The following MGMT variants were observed in gnomAD, a reference collection of about 807,000 sequenced individuals.
MGMT encodes the protein O-6-methylguanine-DNA methyltransferase.
MGMT carries 14 observed loss-of-function variants against 15.9 expected under a neutral mutation model. The ratio of observed to expected loss-of-function variants is 0.88; its 90% CI spans 0.58 to 1.37. The LOEUF (loss-of-function observed/expected upper bound fraction) is 1.37. MGMT is among the 40% of genes most tolerant of loss of function. MGMT has a pLI of 0.00. For missense variants in MGMT, 282 were observed against 268.1 expected (o/e 1.05, Z -0.36); for synonymous variants, 130 against 118.2 (o/e 1.10, Z -0.65).
At chr10:129,705,274 T>TA (rs1848147484) in intron 2 of MGMT, among the ~76,000 whole-genome samples, 1 of 152,226 alleles carries the variant, frequency 6.6e-6, no homozygotes, top group Non-Finnish European at 1.5e-5. Flanking sequence ...TGTCTCTTGT[T>TA]AAAATGTGAG....
intron 1 of MGMT, among the ~76,000 whole-genome samples, chr10:129,507,335 C>G (rs1290573406): frequency 6.6e-6 from 1 of 152,166 alleles, no homozygotes; most frequent in East Asian, 1.9e-4. Flanking sequence ...GCCTCTGGGG[C>G]AGGGGTGGCC....
chr10:129,527,594 T>C (rs1274209582), intron 1 of MGMT, among the ~76,000 whole-genome samples: 39 of 148,258 alleles, frequency 2.6e-4, no homozygotes, highest in Admixed American at 2.5e-3. Context: ...TTTTCTTTTC[T>C]CCTGTTCACA....
chr10:129,588,155 C>G (rs1375230714), intron 2 of MGMT, among the ~76,000 whole-genome samples: 1 of 152,172 alleles, frequency 6.6e-6, no homozygotes, highest in Non-Finnish European at 1.5e-5. Context: ...AAAACAGGAC[C>G]TCAGTCCTAT....
Position 129,711,361 on chromosome 10 carries a change from C to A in MGMT, c.274+3318C>A, listed in dbSNP as rs1411959368. 3.3e-5 allele frequency among the ~76,000 whole-genome samples: 5 copies of A among 152,174 alleles called. No individual in the cohort carries two copies. In the South Asian group the frequency reaches 1.0e-3, roughly 31 times the overall value. On this transcript the variant is annotated intron_variant, in intron 3 of 4. Coordinates refer to ENST00000651593, the MANE Select transcript of MGMT (RefSeq NM_002412.5). ...GGAATTTCCAAAGACAGGTTAGTAG[C>A]TAGGTAGCTGTTGAAGTATTTCTGC...
chr10:129,508,034 G>A (rs61341334), intron 1 of MGMT, among the ~76,000 whole-genome samples: 10,429 of 152,078 alleles, frequency 0.069, 1,193 homozygotes, highest in African/African-American at 0.24. Context: ...TTTTTGAGGA[G>A]TCTCCCATTT....
intron 3 of MGMT, among the ~76,000 whole-genome samples, chr10:129,719,141 C>T (rs1036726592): frequency 7.0e-6 from 1 of 143,572 alleles, no homozygotes; most frequent in East Asian, 2.1e-4. Context: ...CCGAGGTGCC[C>T]AGAGCTGGTC....
At chr10:129,662,119 G>A (rs181821454) in intron 2 of MGMT, among the ~76,000 whole-genome samples, 2 of 152,248 alleles carry the variant, frequency 1.3e-5, no homozygotes, top group African/African-American at 2.4e-5. Context: ...AAGAATGGGG[G>A]TGGGGACACG....
At position 129,545,461 on chromosome 10, in the gene MGMT, A is replaced by T. The variant is rs184048492; in HGVS notation, c.125+9084A>T. 5.3e-5 allele frequency among the ~76,000 whole-genome samples: 8 copies of T among 152,348 alleles called. No homozygotes were observed. In the East Asian group the frequency reaches 9.6e-4, roughly 18 times the overall value. On this transcript the variant is annotated intron_variant, in intron 2 of 4. Transcript: ENST00000651593. The stretch of plus-strand genomic sequence containing the variant: ...CACTCGCCTACTGTACACATGAGTC[A>T]TTGTAAAGTTACGACATGAGCTCGC...
At chr10:129,573,505 T>A (rs1846443592) in intron 2 of MGMT, among the ~76,000 whole-genome samples, 1 of 152,194 alleles carries the variant, frequency 6.6e-6, no homozygotes, top group African/African-American at 2.4e-5. Flanking sequence ...TTTTTAACCT[T>A]AAGATTTTTT....
rs866239831 is a variant in MGMT at position 129,564,612 on chromosome 10, T to C, written c.125+28235T>C. 8.5e-3 allele frequency among the ~76,000 whole-genome samples: 228 copies of C among 26,860 alleles called. 1 individual carries two copies. Among genetic ancestry groups the C allele is most frequent in the Admixed American group, 0.016 (26 of 1,658 alleles). The allele number at this position is 26,860 out of a possible 152,430, so 17.6% of individuals were successfully genotyped here. A position where few individuals can be genotyped will look rare whatever the true frequency, so the allele number is the denominator to read the frequency against. ...CCCCTCATTTTCCTCCTCCTCCCCC[T>C]CCTCCTCCTCCCCTGCTTCCCCTCC... is the stretch of plus-strand genomic sequence containing the variant. On this transcript the variant is annotated intron_variant, in intron 2 of 4. Transcript: ENST00000651593.
intron 1 of MGMT, among the ~76,000 whole-genome samples, chr10:129,473,300 G>T (rs184608671): frequency 1.4e-4 from 22 of 152,310 alleles, no homozygotes; most frequent in Admixed American, 5.9e-4. Flanking sequence ...TTGTGGAAAT[G>T]GGCCTTATTT....
chr10:129,658,476 T>A (rs1847557606), intron 2 of MGMT, among the ~76,000 whole-genome samples: 1 of 152,234 alleles, frequency 6.6e-6, no homozygotes, highest in Non-Finnish European at 1.5e-5. Context: ...TGATTCTAAT[T>A]CAGTAGGATT....
chr10:129,678,273 T>A (rs1283233721), intron 2 of MGMT, among the ~76,000 whole-genome samples: 1 of 149,674 alleles, frequency 6.7e-6, no homozygotes, highest in African/African-American at 2.4e-5. Flanking sequence ...TGGCTGCCTT[T>A]GTTTCTGCAC....
chr10:129,766,467 G>A (rs1057087592), intron 4 of MGMT, among the ~76,000 whole-genome samples: 2 of 152,210 alleles, frequency 1.3e-5, no homozygotes, highest in African/African-American at 4.8e-5. Context: ...AGCGAACGTT[G>A]TATATTACTC....
At chr10:129,495,918 G>A (rs1179137308) in intron 1 of MGMT, among the ~76,000 whole-genome samples, 2 of 152,144 alleles carry the variant, frequency 1.3e-5, no homozygotes, top group African/African-American at 2.4e-5. Flanking sequence ...CCTCCCCAGC[G>A]TCCAGCAGGC....
In MGMT at chr10:129,652,129, A is replaced by G. The variant is rs537332833; in HGVS notation, c.126-55766A>G. 1.6e-3 allele frequency among the ~76,000 whole-genome samples: 246 copies of G among 152,284 alleles called. 1 individual carries two copies. Among genetic ancestry groups the G allele is most frequent in the Non-Finnish European group, 2.6e-3 (179 of 68,018 alleles). ...AGGGGCTTGTGTGAATGGGGGAGTT[A>G]TGAAACCAGGACTGAAGACAACAGA... On this transcript the variant is annotated intron_variant, in intron 2 of 4. Coordinates refer to ENST00000651593, the MANE Select transcript of MGMT (RefSeq NM_002412.5).
intron 2 of MGMT, among the ~76,000 whole-genome samples, chr10:129,575,892 G>T (rs906492055): frequency 3.9e-5 from 6 of 151,970 alleles, no homozygotes; most frequent in African/African-American, 1.5e-4. Flanking sequence ...TACCATCAGA[G>T]AATACTATAA....
rs562066691 is a variant in MGMT, at chr10:129,741,835, C to T, written c.275-17367C>T. On this transcript the variant is annotated intron_variant, in intron 3 of 4. Transcript: ENST00000651593. The stretch of plus-strand genomic sequence containing the variant: ...GGCTCCAGACAGAGATGACCCAAAG[C>T]CTGTGTCAGCATTTGGGTGCCTGGG... Among the ~76,000 whole-genome samples the T allele has an allele frequency of 4.6e-5, 7 of 152,260 alleles. No homozygotes were observed. The South Asian group carries it at 1.5e-3, about 32-fold the overall frequency.
At position 129,767,168 on chromosome 10, in the gene MGMT, CT is replaced by C; in HGVS notation, c.*172del. 1.7e-6 allele frequency: 1 copy of C among 577,608 alleles called. No homozygotes were observed. Among genetic ancestry groups the C allele is most frequent in the South Asian group, 2.3e-5 (1 of 43,100 alleles). 35.8% of individuals were successfully genotyped at this position (577,608 alleles called of 1,614,324 possible). A position where few individuals can be genotyped will look rare whatever the true frequency, so the allele number is the denominator to read the frequency against. On this transcript the variant is annotated 3_prime_UTR_variant, in exon 5 of 5. Transcript: ENST00000651593. ...AGGATGAGTTCAGACGCCCGCGGTC[CT>C]GCACACATTTGTTTCCTTCTCTAAC... is the stretch of plus-strand genomic sequence containing the variant.
Sources: allele counts gnomAD v4.1 joint callset (sites outside exome capture counted in the v4.1 genomes callset), GRCh38; gene constraint gnomAD v4.1.1; transcripts MANE v1.5; gene names NCBI Gene and HGNC (gene_info 2026-07-23, HGNC 2026-07-21).